PHACTR3: variants seen among roughly 807,000 people sequenced by gnomAD.
PHACTR3 encodes the protein protein phosphatase 1, regulatory subunit 123.
PHACTR3 carries 16 observed loss-of-function variants against 66.8 expected under a neutral mutation model. That is an observed-to-expected ratio of 0.24 (90% confidence interval 0.16 to 0.36). The LOEUF (loss-of-function observed/expected upper bound fraction) is 0.36. PHACTR3 is among the 10% of genes least tolerant of loss of function. PHACTR3 has a pLI of 1.00. For synonymous variants in PHACTR3, 323 were observed against 292.1 expected (o/e 1.11, Z -1.08); for missense variants, 647 against 719.9 (o/e 0.90, Z 1.16).
intron 1 of PHACTR3, among the ~76,000 whole-genome samples, chr20:59,670,611 G>GT (rs1397523928): frequency 1.5e-5 from 2 of 136,604 alleles, no homozygotes; most frequent in Non-Finnish European, 3.2e-5. Context: ...GGGGTGGGGG[G>GT]GGGGGGCAGG....
chr20:59,681,430 GA>G (rs1300188604), intron 1 of PHACTR3, among the ~76,000 whole-genome samples: 1 of 151,964 alleles, frequency 6.6e-6, no homozygotes, highest in African/African-American at 2.4e-5. Flanking sequence ...CTGTGGCAGT[GA>G]CCACCCCAGG....
intron 7 of PHACTR3, among the ~76,000 whole-genome samples, chr20:59,782,058 C>T (rs1004051435): frequency 6.6e-6 from 1 of 152,184 alleles, no homozygotes; most frequent in East Asian, 1.9e-4. Context: ...GACACAGTCT[C>T]CAACCCTCTA....
At chr20:59,699,437 G>C (rs2037415381) in intron 1 of PHACTR3, among the ~76,000 whole-genome samples, 1 of 152,096 alleles carries the variant, frequency 6.6e-6, no homozygotes, top group Non-Finnish European at 1.5e-5. Context: ...AAGGCTTCTA[G>C]TTTTGTTTAC....
chr20:59,617,910 C>T (rs2045122688), intron 1 of PHACTR3, among the ~76,000 whole-genome samples: 1 of 152,214 alleles, frequency 6.6e-6, no homozygotes, highest in South Asian at 2.1e-4. Flanking sequence ...CCTGTTGCCT[C>T]ATCCTCGTGG....
intron 8 of PHACTR3, among the ~76,000 whole-genome samples, chr20:59,821,488 C>CA (rs1010946318): frequency 6.6e-5 from 10 of 152,176 alleles, no homozygotes; most frequent in African/African-American, 9.7e-5. Flanking sequence ...GAAGCTCCTC[C>CA]ACACACATCT....
At chr20:59,794,844 G>A (rs566630588) in intron 7 of PHACTR3, among the ~76,000 whole-genome samples, 82 of 152,086 alleles carry the variant, frequency 5.4e-4, no homozygotes, top group Middle Eastern at 3.4e-3. Flanking sequence ...GCAGGTAATT[G>A]TTCATAATAG....
intron 1 of PHACTR3, among the ~76,000 whole-genome samples, chr20:59,588,276 CT>C (rs1188951371): frequency 6.6e-6 from 1 of 152,166 alleles, no homozygotes; most frequent in Admixed American, 6.5e-5. Context: ...CTGCAGGGTG[CT>C]TTTGATAAAA....
intron 1 of PHACTR3, among the ~76,000 whole-genome samples, chr20:59,704,567 T>C (rs796980591): frequency 1.3e-5 from 2 of 148,696 alleles, no homozygotes; most frequent in South Asian, 2.1e-4. Context: ...ATAGTCTTTT[T>C]TTTTTTTTTT....
intron 1 of PHACTR3, among the ~76,000 whole-genome samples, chr20:59,594,135 G>C (rs2033261385): frequency 1.3e-5 from 2 of 152,056 alleles, no homozygotes; most frequent in South Asian, 2.1e-4. Context: ...CATTTATTTG[G>C]TTCTTTGATT....
chr20:59,813,174 G>C (rs2041788351), intron 8 of PHACTR3, among the ~76,000 whole-genome samples: 1 of 152,036 alleles, frequency 6.6e-6, no homozygotes, highest in African/African-American at 2.4e-5. Flanking sequence ...TGGTGTGGGT[G>C]CTGCACACAG....
At chr20:59,765,386 T>A (rs551658534) in intron 4 of PHACTR3, among the ~76,000 whole-genome samples, 2 of 152,316 alleles carry the variant, frequency 1.3e-5, no homozygotes, top group East Asian at 3.9e-4. Flanking sequence ...TTGTAATGGT[T>A]GTTCTCAGTT....
chr20:59,604,900 A>ATTTTTTTTTTT lies in PHACTR3; in HGVS notation c.-115_-114insTTTTTTTTTTT. 1 of 757,380 alleles carries ATTTTTTTTTTT rather than the reference A, an allele frequency of 1.3e-6. No homozygotes were observed. Among genetic ancestry groups the ATTTTTTTTTTT allele is most frequent in the Non-Finnish European group, 1.5e-6 (1 of 665,460 alleles). The allele number at this position is 757,380 out of a possible 1,614,324, so 46.9% of individuals were successfully genotyped here. A position where few individuals can be genotyped will look rare whatever the true frequency, so the allele number is the denominator to read the frequency against. On this transcript the variant is annotated 5_prime_UTR_variant, in exon 1 of 13. Coordinates refer to ENST00000371015, the MANE Select transcript of PHACTR3 (RefSeq NM_080672.5). ...GCCTTTTTTTTTTTTTTTTTTTTTTAATTTTCTTTTTTAAAAAGACGCCCC... is the reference window on the plus strand; with the variant it reads ...GCCTTTTTTTTTTTTTTTTTTTTTTATTTTTTTTTTTATTTTCTTTTTTAAAAAGACGCCCC...
At chr20:59,665,846 G>A (rs1021887323) in intron 1 of PHACTR3, among the ~76,000 whole-genome samples, 2 of 152,202 alleles carry the variant, frequency 1.3e-5, no homozygotes, top group South Asian at 2.1e-4. Flanking sequence ...TGTTGGCCAT[G>A]TTTATGGTTA....
chr20:59,688,323 C>T (rs1174538529), intron 1 of PHACTR3, among the ~76,000 whole-genome samples: 1 of 152,108 alleles, frequency 6.6e-6, no homozygotes, highest in African/African-American at 2.4e-5. Context: ...GAGAATAGAC[C>T]AAATGGATGT....
At chr20:59,756,563 T>C (rs970007179) in intron 4 of PHACTR3, among the ~76,000 whole-genome samples, 3 of 151,982 alleles carry the variant, frequency 2.0e-5, no homozygotes, top group African/African-American at 7.2e-5. Flanking sequence ...GGCTTGGAAT[T>C]TGGGGTCTGA....
At chr20:59,630,614 G>A (rs1318747899) in intron 1 of PHACTR3, among the ~76,000 whole-genome samples, 4 of 152,234 alleles carry the variant, frequency 2.6e-5, no homozygotes, top group Non-Finnish European at 5.9e-5. Flanking sequence ...ATCCATAAGA[G>A]TGGTGACGTG....
intron 7 of PHACTR3, among the ~76,000 whole-genome samples, chr20:59,796,398 A>G (rs1397764171): frequency 1.3e-5 from 2 of 152,254 alleles, no homozygotes; most frequent in East Asian, 3.9e-4. Context: ...TACCTACACC[A>G]TTATCATAAT....
intron 8 of PHACTR3, among the ~76,000 whole-genome samples, chr20:59,808,561 A>T (rs1448005642): frequency 6.6e-6 from 1 of 152,078 alleles, no homozygotes; most frequent in Non-Finnish European, 1.5e-5. Context: ...TCAAAAGCCA[A>T]CCCTTCCCTG....
intron 1 of PHACTR3, among the ~76,000 whole-genome samples, chr20:59,645,887 C>T (rs1321430): frequency 0.12 from 18,484 of 152,146 alleles, 1,276 homozygotes; most frequent in East Asian, 0.25. Context: ...TTTCTTTCCC[C>T]TCCCCTGTCC....
Sources: gnomAD v4.1 joint callset for allele counts (sites outside exome capture counted in the v4.1 genomes callset) on GRCh38, gnomAD v4.1.1 for gene constraint, MANE v1.5 for transcripts, NCBI Gene and HGNC (gene_info 2026-07-23, HGNC 2026-07-21) for gene names.